The following ZBTB8OS variants were observed in gnomAD, a reference collection of about 807,000 sequenced individuals.
ZBTB8OS encodes tRNA-splicing ligase-activating factor archease.
Under a neutral mutation model 29.3 loss-of-function variants are expected in ZBTB8OS, and 16 were observed. The observed-to-expected ratio is 0.55, with a 90% CI of 0.37 to 0.83. ZBTB8OS has a LOEUF of 0.83. ZBTB8OS is among the 40% of genes least tolerant of loss of function. ZBTB8OS has a pLI of 0.00. For synonymous variants in ZBTB8OS, 70 were observed against 64.6 expected (o/e 1.08, Z -0.40); for missense variants, 160 against 196.9 (o/e 0.81, Z 1.12).
Position 32,621,830 on chromosome 1 carries a change from T to A in ZBTB8OS, c.*32A>T. 2 of 1,453,100 alleles carry A rather than the reference T, an allele frequency of 1.4e-6. No homozygotes were observed. The highest frequency in any genetic ancestry group is 1.4e-5 in the African/African-American group (1 of 69,712). 90.0% of individuals were successfully genotyped at this position (1,453,100 alleles called of 1,614,324 possible). A position where few individuals can be genotyped will look rare whatever the true frequency, so the allele number is the denominator to read the frequency against. ...AAAAGGAAGAGGAAAACAAAAACAG[T>A]TCTTCGTAGGAGTCTTTTATTTTTT... On this transcript the variant is annotated 3_prime_UTR_variant, in exon 7 of 7. Transcript: ENST00000468695.
chr1:32,624,313 T>C (rs938370460), intron 6 of ZBTB8OS, among the ~76,000 whole-genome samples: 2 of 152,230 alleles, frequency 1.3e-5, no homozygotes, highest in African/African-American at 4.8e-5. Flanking sequence ...TGTGTTTACA[T>C]GTTTGTCTGG....
chr1:32,649,658 A>ACACACC, intron 1 of ZBTB8OS, among the ~76,000 whole-genome samples: 1 of 137,426 alleles, frequency 7.3e-6, no homozygotes, highest in South Asian at 2.2e-4. Flanking sequence ...ACACACACAC[A>ACACACC]CACACACACA....
At chr1:32,631,752 A>G (rs1570544698) in intron 5 of ZBTB8OS, 75 bp downstream of exon 5, 1 of 1,157,774 alleles carries the variant, frequency 8.6e-7, no homozygotes, top group Non-Finnish European at 1.3e-6. Flanking sequence ...TTATGTTTCC[A>G]TCTGTTTCCT....
At chr1:32,639,787 A>G (rs1646261521) in intron 1 of ZBTB8OS, among the ~76,000 whole-genome samples, 1 of 152,172 alleles carries the variant, frequency 6.6e-6, no homozygotes, top group Non-Finnish European at 1.5e-5. Flanking sequence ...TATTAATTAA[A>G]AAAAATTTAG....
At chr1:32,624,452 C>T (rs2148296392) in intron 6 of ZBTB8OS, among the ~76,000 whole-genome samples, 1 of 152,280 alleles carries the variant, frequency 6.6e-6, no homozygotes, top group African/African-American at 2.4e-5. Context: ...TTGCTGAATG[C>T]ATGCATAAAT....
At chr1:32,632,692 T>C (rs1018621515) in intron 4 of ZBTB8OS, among the ~76,000 whole-genome samples, 1 of 152,158 alleles carries the variant, frequency 6.6e-6, no homozygotes, top group African/African-American at 2.4e-5. Context: ...AAGGGAGGTA[T>C]TCTAGAAAAA....
chr1:32,635,739 C>T (rs537674427), intron 1 of ZBTB8OS, among the ~76,000 whole-genome samples: 5 of 152,260 alleles, frequency 3.3e-5, no homozygotes, highest in African/African-American at 9.6e-5. Context: ...TAACTGACTC[C>T]ATCTTACTTC....
Position 32,634,078 on chromosome 1 carries a change from G to T in ZBTB8OS, c.123-6C>A, listed in dbSNP as rs757210838. ...TATCTCCCCATGCGTGTAACCTAAA[G>T]AAGTATATTCATGCTCTGTGTAATA... On this transcript the variant is annotated splice_polypyrimidine_tract_variant and splice_region_variant and intron_variant, in intron 2 of 6. Coordinates refer to ENST00000468695, the MANE Select transcript of ZBTB8OS (RefSeq NM_178547.5). The T allele has an allele frequency of 3.2e-6, 5 of 1,548,230 alleles. No homozygotes were observed. In the South Asian group the frequency reaches 6.4e-5, roughly 20 times the overall value.
At chr1:32,622,436 G>A (rs1450803151) in intron 6 of ZBTB8OS, among the ~76,000 whole-genome samples, 1 of 152,204 alleles carries the variant, frequency 6.6e-6, no homozygotes, top group Non-Finnish European at 1.5e-5. Context: ...CGTGGATGGA[G>A]CTGGAGGCCA....
At chr1:32,634,117 G>A in intron 2 of ZBTB8OS, 45 bp from the exon 3 acceptor site, 4 of 1,368,508 alleles carry the variant, frequency 2.9e-6, no homozygotes, top group Non-Finnish European at 3.8e-6. Context: ...TCCACTGCAA[G>A]AAAGAAAATT....
At chr1:32,640,349 C>A (rs970552455) in intron 1 of ZBTB8OS, among the ~76,000 whole-genome samples, 1 of 152,072 alleles carries the variant, frequency 6.6e-6, no homozygotes, top group Non-Finnish European at 1.5e-5. Context: ...CAATCCACCC[C>A]TCTCGGCCTC....
chr1:32,628,330 C>T (rs1435613568), intron 5 of ZBTB8OS, among the ~76,000 whole-genome samples: 3 of 143,484 alleles, frequency 2.1e-5, no homozygotes, highest in Non-Finnish European at 4.5e-5. Context: ...GCACTCCACC[C>T]TAGGCAACAG....
At position 32,631,754 on chromosome 1, in the gene ZBTB8OS, C is replaced by G. The variant is rs907406386; in HGVS notation, c.380+73G>C. 3.4e-6 allele frequency: 4 copies of G among 1,170,966 alleles called. No homozygotes were observed. In the Admixed American group the frequency reaches 8.6e-5, roughly 25 times the overall value. 72.5% of individuals were successfully genotyped at this position (1,170,966 alleles called of 1,614,324 possible). A position where few individuals can be genotyped will look rare whatever the true frequency, so the allele number is the denominator to read the frequency against. ...GTGGCCCTCTGATTTATGTTTCCAT[C>G]TGTTTCCTTGCTCATTGAATTCAAT... On this transcript the variant is annotated intron_variant, in intron 5 of 6. Coordinates refer to ENST00000468695, the MANE Select transcript of ZBTB8OS (RefSeq NM_178547.5).
At chr1:32,648,215 G>A (rs1647002861) in intron 1 of ZBTB8OS, among the ~76,000 whole-genome samples, 2 of 152,318 alleles carry the variant, frequency 1.3e-5, no homozygotes, top group African/African-American at 4.8e-5. Flanking sequence ...GTAACAATTA[G>A]TAGAAGTGGG....
intron 4 of ZBTB8OS, chr1:32,633,422 G>C (rs1645723279): frequency 8.6e-6 from 4 of 464,770 alleles, no homozygotes; most frequent in Non-Finnish European, 1.5e-5. Flanking sequence ...ACACAATCCT[G>C]ATTAGTGACA....
chr1:32,637,179 C>T (rs543018620), intron 1 of ZBTB8OS, among the ~76,000 whole-genome samples: 4 of 152,196 alleles, frequency 2.6e-5, no homozygotes, highest in Non-Finnish European at 5.9e-5. Flanking sequence ...CAGCTCTTTT[C>T]CCACAGTAGT....
Position 32,650,419 on chromosome 1 carries a change from A to G in ZBTB8OS, c.97+14T>C. 1.2e-6 allele frequency: 2 copies of G among 1,614,108 alleles called. No homozygotes were observed. Among genetic ancestry groups the G allele is most frequent in the Admixed American group, 3.3e-5 (2 of 60,002 alleles). On this transcript the variant is annotated intron_variant, in intron 1 of 6. Coordinates refer to ENST00000468695, the MANE Select transcript of ZBTB8OS (RefSeq NM_178547.5). ...GTGCTTACATGTAAAGAGAGAAGTA[A>G]GCCACCTACTCACACTCGTACTTCC...
chr1:32,622,193 G>A (rs1222213819), intron 6 of ZBTB8OS, among the ~76,000 whole-genome samples: 1 of 152,144 alleles, frequency 6.6e-6, no homozygotes, highest in African/African-American at 2.4e-5. Flanking sequence ...CCACCTGGGT[G>A]TATAGAAATT....
At chr1:32,632,062 C>T (rs1365091722) in intron 4 of ZBTB8OS, 183 bp from the exon 5 acceptor site, 12 of 286,214 alleles carry the variant, frequency 4.2e-5, no homozygotes, top group Admixed American at 8.1e-5. Context: ...AGTACAGTGG[C>T]GTGATCTCGG....
Sources: allele counts gnomAD v4.1 joint callset (sites outside exome capture counted in the v4.1 genomes callset), GRCh38; gene constraint gnomAD v4.1.1; transcripts MANE v1.5; gene names NCBI Gene and HGNC (gene_info 2026-07-23, HGNC 2026-07-21).